Variants in LRRC49 observed in about 807,000 individuals in gnomAD.
LRRC49 encodes the protein leucine rich repeat containing 49.
LRRC49 carries 50 observed loss-of-function variants against 83.3 expected under a neutral mutation model. The observed-to-expected ratio is 0.60, with a 90% CI of 0.48 to 0.76. The LOEUF is 0.76. Ranked by LOEUF, LRRC49 falls within the 30% of genes least tolerant of loss-of-function variation. The pLI, the probability that LRRC49 is intolerant of heterozygous loss-of-function variation, is 0.00. For synonymous variants in LRRC49, 286 were observed against 283.3 expected (o/e 1.01, Z -0.10); for missense variants, 704 against 809.1 (o/e 0.87, Z 1.58).
intron 3 of LRRC49, among the ~76,000 whole-genome samples, chr15:70,896,826 T>C (rs2033860203): frequency 6.6e-6 from 1 of 152,204 alleles, no homozygotes; most frequent in South Asian, 2.1e-4. Context: ...TTTCTGGACC[T>C]ACTTCTTGGA....
At chr15:70,854,344 G>C (rs1253930904) in intron 1 of LRRC49, among the ~76,000 whole-genome samples, 1 of 152,056 alleles carries the variant, frequency 6.6e-6, no homozygotes, top group African/African-American at 2.4e-5. Context: ...CTCCTCCGAC[G>C]GAGGCCCGTC....
At chr15:70,915,173 C>T (rs2034715224) in intron 6 of LRRC49, among the ~76,000 whole-genome samples, 1 of 152,196 alleles carries the variant, frequency 6.6e-6, no homozygotes, top group African/African-American at 2.4e-5. Flanking sequence ...TATTCCATAG[C>T]AGATGTTGTA....
At chr15:70,900,576 A>G (rs1273991581) in intron 3 of LRRC49, 9 of 458,046 alleles carry the variant, frequency 2.0e-5, no homozygotes. Context: ...TGGCCCAAAT[A>G]TATCTGGTAA....
chr15:70,951,940 T>C (rs1169058196), intron 8 of LRRC49, among the ~76,000 whole-genome samples: 1 of 152,102 alleles, frequency 6.6e-6, no homozygotes, highest in Non-Finnish European at 1.5e-5. Context: ...TGTTTTCCTT[T>C]GATGCCTAAT....
At chr15:70,991,315 G>A (rs573377864) in intron 11 of LRRC49, among the ~76,000 whole-genome samples, 1 of 152,120 alleles carries the variant, frequency 6.6e-6, no homozygotes, top group Non-Finnish European at 1.5e-5. Flanking sequence ...TCTTTATAGT[G>A]CATGTATAAT....
At chr15:70,892,424 G>A (rs1223975295), upstream of LRRC49, 11 of 1,537,524 alleles carry the variant, frequency 7.2e-6, no homozygotes, top group African/African-American at 1.4e-5. Flanking sequence ...GTCACCGGAA[G>A]TGGCGATCTG....
Position 70,892,853 on chromosome 15 carries a change from C to T in LRRC49, c.-42C>T. ...CTTTGAATCTCCGCTGTAGCGTCACCTGGAAGGCAGATCTAACAGAGAACC... is the reference window on the plus strand; with the variant it reads ...CTTTGAATCTCCGCTGTAGCGTCACTTGGAAGGCAGATCTAACAGAGAACC... On this transcript the variant is annotated 5_prime_UTR_variant, in exon 1 of 16. Transcript: ENST00000260382. 6.2e-7 allele frequency: 1 copy of T among 1,614,158 alleles called. No individual in the cohort carries two copies.
Position 71,009,809 on chromosome 15 carries a change from C to T in LRRC49, c.1410C>T (p.His470=). The T allele has an allele frequency of 6.2e-7, 1 of 1,608,356 alleles. No individual in the cohort carries two copies. The highest frequency in any genetic ancestry group is 8.5e-7 in the Non-Finnish European group (1 of 1,175,992). ...GTATTTGTGTTTTATCATTGCAGCA[C>T]CTTAAATTCAAGGAAACAAATCTTG... The part of the protein sequence containing the change: ...KLKIKFPNSL[H]LKFKETNLVM... Residue 470 remains histidine, a splice_region_variant and synonymous_variant, in exon 13 of 16, where the codon CAC becomes CAT. Coordinates refer to ENST00000260382, the MANE Select transcript of LRRC49 (RefSeq NM_017691.5).
intron 9 of LRRC49, among the ~76,000 whole-genome samples, chr15:70,974,496 A>G (rs2037133652): frequency 6.6e-6 from 1 of 152,182 alleles, no homozygotes; most frequent in South Asian, 2.1e-4. Flanking sequence ...ATTTTTATTA[A>G]TGTCTAGGAG....
At chr15:70,902,194 T>G (rs925618970) in intron 4 of LRRC49, among the ~76,000 whole-genome samples, 2 of 152,220 alleles carry the variant, frequency 1.3e-5, no homozygotes, top group South Asian at 4.1e-4. Context: ...TTGGTAACTT[T>G]TCTCTTGATC....
chr15:70,948,838 A>G (rs1022534308), intron 8 of LRRC49, among the ~76,000 whole-genome samples: 7 of 152,110 alleles, frequency 4.6e-5, no homozygotes, highest in Non-Finnish European at 8.8e-5. Flanking sequence ...TAGAATTAGG[A>G]AATATGCATG....
chr15:70,891,314 G>T (rs2033555081), upstream of LRRC49, among the ~76,000 whole-genome samples: 1 of 152,170 alleles, frequency 6.6e-6, no homozygotes, highest in Non-Finnish European at 1.5e-5. Context: ...GCTGGAGCTA[G>T]TTATCAGTCA....
At chr15:71,023,948 G>A (rs941488386) in intron 14 of LRRC49, among the ~76,000 whole-genome samples, 2 of 152,148 alleles carry the variant, frequency 1.3e-5, no homozygotes, top group Admixed American at 6.6e-5. Context: ...CCAGGGGAGG[G>A]GCAGATGCCA....
rs1258075639 is a variant in LRRC49 at position 70,963,820 on chromosome 15, C to T, written c.809C>T (p.Ser270Phe). 6.2e-7 allele frequency: 1 copy of T among 1,613,396 alleles called. No individual in the cohort carries two copies. Among genetic ancestry groups the T allele is most frequent in the Non-Finnish European group, 8.5e-7 (1 of 1,179,622 alleles). Residue 270 changes from serine to phenylalanine, a missense_variant, in exon 9 of 16, where the codon TCC becomes TTC. This residue lies in a region of LRRC49 where 261 missense variants were observed against 330.5 expected (regional missense o/e 0.79). Transcript: ENST00000260382. Reference sequence around the variant, plus strand: ...GTTTCCTGCCTTGCTGACTCTTCTTCCCTCTCGGACATCACCTTTGATGGC... The same window carrying T: ...GTTTCCTGCCTTGCTGACTCTTCTTTCCTCTCGGACATCACCTTTGATGGC... Reference protein sequence around the residue: ...DSVSCLADSSSLSDITFDGNP... With the variant: ...DSVSCLADSSFLSDITFDGNP...
chr15:71,029,778 CCTT>C (rs1194449911), intron 14 of LRRC49, among the ~76,000 whole-genome samples: 1 of 152,090 alleles, frequency 6.6e-6, no homozygotes, highest in African/African-American at 2.4e-5. Context: ...TATGTAATGC[CCTT>C]CTCTGTCTTT....
At chr15:71,047,804 T>C (rs552643918) in intron 15 of LRRC49, among the ~76,000 whole-genome samples, 2 of 152,294 alleles carry the variant, frequency 1.3e-5, no homozygotes, top group South Asian at 2.1e-4. Context: ...TGAGACAGAG[T>C]CTTGCTCTGT....
At chr15:70,902,122 T>C (rs2034110189) in intron 4 of LRRC49, among the ~76,000 whole-genome samples, 1 of 152,232 alleles carries the variant, frequency 6.6e-6, no homozygotes, top group African/African-American at 2.4e-5. Flanking sequence ...AAGTGGTTTA[T>C]GAGAATGCTG....
chr15:70,884,727 G>T (rs944067809), intron 2 of LRRC49, among the ~76,000 whole-genome samples: 6 of 151,980 alleles, frequency 3.9e-5, no homozygotes, highest in African/African-American at 1.5e-4. Flanking sequence ...TTACAAAAAG[G>T]TGTATTCTGG....
intron 1 of LRRC49, chr15:70,859,053 A>T (rs2032722073): frequency 6.7e-7 from 1 of 1,496,632 alleles, no homozygotes; most frequent in Admixed American, 1.7e-5. Flanking sequence ...TTCCTGGAGC[A>T]GCAGAACAAG....
Sources: gnomAD v4.1 joint callset for allele counts (sites outside exome capture counted in the v4.1 genomes callset) on GRCh38, gnomAD v4.1.1 for gene constraint, gnomAD v4.1.1 regional missense constraint, MANE v1.5 for transcripts, NCBI Gene and HGNC (gene_info 2026-07-23, HGNC 2026-07-21) for gene names.